The following CCNJL variants were observed in gnomAD, a reference collection of about 807,000 sequenced individuals.
CCNJL encodes the protein cyclin J like, also known as cyclin-J-like protein.
In CCNJL, 33 loss-of-function variants were observed where a neutral mutation model predicts 33.4. The observed-to-expected ratio is 0.99, with a 90% CI of 0.75 to 1.32. The LOEUF (loss-of-function observed/expected upper bound fraction) is 1.32, where lower values mean the gene tolerates loss of function less well. Among genes scored for constraint, CCNJL ranks in the 40% most tolerant of loss-of-function variants. The probability of loss-of-function intolerance (pLI) is 0.00; values close to 1 mark genes in which losing one functional copy is unlikely to be tolerated. For synonymous variants in CCNJL, 227 were observed against 220.9 expected (o/e 1.03, Z -0.24); for missense variants, 512 against 499.7 (o/e 1.02, Z -0.23).
At chr5:160,302,230 A>T (rs998110980) in intron 2 of CCNJL, among the ~76,000 whole-genome samples, 2 of 151,944 alleles carry the variant, frequency 1.3e-5, no homozygotes, top group Non-Finnish European at 2.9e-5. Flanking sequence ...TCCATAAAAC[A>T]TTATGCATTG....
At chr5:160,264,376 C>A (rs1761484438) in intron 3 of CCNJL, among the ~76,000 whole-genome samples, 1 of 152,074 alleles carries the variant, frequency 6.6e-6, no homozygotes, top group Admixed American at 6.6e-5. Context: ...CTCCTTTCTG[C>A]ATGTGGCTGG....
At position 160,253,459 on chromosome 5, in the gene CCNJL, G is replaced by C. The variant is rs781619971; in HGVS notation, c.1083C>G (p.Pro361=). ...LSMHMAIAAE[P]RHCLATTYGS... ...CATAGGTGGTGGCGAGGCAGTGCCT[G>C]GGCTCAGCTGCAATGGCCATATGCA... Residue 361 remains proline, a synonymous_variant, in exon 6 of 6, where the codon CCC becomes CCG. Coordinates refer to ENST00000257536, the MANE Select transcript of CCNJL (RefSeq NM_001308173.3). The C allele has an allele frequency of 1.9e-6, 3 of 1,613,506 alleles. No homozygotes were observed. Among genetic ancestry groups the C allele is most frequent in the Non-Finnish European group, 2.5e-6 (3 of 1,179,684 alleles).
At chr5:160,305,747 C>G (rs116828043) in intron 2 of CCNJL, among the ~76,000 whole-genome samples, 1 of 152,170 alleles carries the variant, frequency 6.6e-6, no homozygotes, top group Non-Finnish European at 1.5e-5. Flanking sequence ...TTCCTGTGAG[C>G]CTTGCAGTTT....
chr5:160,268,264 TAAGGCAGTGC>T (rs1761689665), intron 3 of CCNJL, among the ~76,000 whole-genome samples: 1 of 152,214 alleles, frequency 6.6e-6, no homozygotes, highest in Non-Finnish European at 1.5e-5. Flanking sequence ...TTTTACTGTG[TAAGGCAGTGC>T]AGCGGGCAGT....
chr5:160,331,383 C>T (rs1763606248), intron 1 of CCNJL, among the ~76,000 whole-genome samples: 1 of 151,976 alleles, frequency 6.6e-6, no homozygotes, highest in African/African-American at 2.4e-5. Flanking sequence ...ACCACCACGC[C>T]CGGCTAATTT....
chr5:160,269,601 G>A (rs1761750231), intron 3 of CCNJL: 1 of 402,126 alleles, frequency 2.5e-6, no homozygotes, highest in African/African-American at 2.1e-5. Flanking sequence ...CCGCCCTTGT[G>A]GTTCAGAGGG....
Position 160,326,075 on chromosome 5 carries a change from G to A in CCNJL, n.207-10570C>T, listed in dbSNP as rs77259140. Among the ~76,000 whole-genome samples the A allele has an allele frequency of 2.9e-4, 44 of 152,252 alleles. No homozygotes were observed. The East Asian group carries it at 8.5e-3, about 29-fold the overall frequency. The stretch of plus-strand genomic sequence containing the variant: ...CAGGACCTCTTCCTACTCCATATCA[G>A]ACCTGGCCAGTTGCAAGTATTTATC... On this transcript the variant is annotated intron_variant and non_coding_transcript_variant, in intron 1 of 7. Transcript: ENST00000377503.
chr5:160,280,903 C>G (rs775032139), intron 2 of CCNJL, 165 bp from the exon 3 acceptor site: 1 of 701,802 alleles, frequency 1.4e-6, no homozygotes, highest in African/African-American at 1.7e-5. Context: ...CCTGGGCTAT[C>G]TCCCATCTGC....
rs553475933 is a variant in CCNJL at position 160,253,172 on chromosome 5, C to G, written c.*206G>C. On this transcript the variant is annotated 3_prime_UTR_variant, in exon 6 of 6. Coordinates refer to ENST00000257536, the MANE Select transcript of CCNJL (RefSeq NM_001308173.3). ...TTGTACCCTAGCCACACGTGGCAGA[C>G]GTTTCTCAGAGGAATGCTCTCGGGT... The G allele has an allele frequency of 2.1e-6, 1 of 477,642 alleles. No individual in the cohort carries two copies. The highest frequency in any genetic ancestry group is 3.9e-5 in the Admixed American group (1 of 25,610). The allele number at this position is 477,642 out of a possible 1,614,324, so 29.6% of individuals were successfully genotyped here.
rs565168793 is a variant in CCNJL at position 160,303,733 on chromosome 5, T to A, written c.66+8125A>T. Among the ~76,000 whole-genome samples, 301 of 151,482 alleles carry A rather than the reference T, an allele frequency of 2.0e-3. 3 individuals carry two copies. The highest frequency in any genetic ancestry group is 6.9e-3 in the African/African-American group (283 of 41,246). ...GTGTGTGTGTGTGTGTGTGTCTGTG[T>A]GTGTGTGTGTGTAATAACTCAAAAA... On this transcript the variant is annotated intron_variant, in intron 2 of 5. Transcript: ENST00000257536.
In CCNJL at chr5:160,258,628, T is replaced by C. The variant is rs147984274; in HGVS notation, c.583+841A>G. ...TCTGTGGATGCAGCTGTTACGAAGA[T>C]GGTTAAACCTGAAACAATCTTAAGA... On this transcript the variant is annotated intron_variant, in intron 4 of 5. Transcript: ENST00000257536. 19 of 1,072,392 alleles carry C rather than the reference T, an allele frequency of 1.8e-5. No individual in the cohort carries two copies. In the African/African-American group the frequency reaches 2.3e-4, roughly 13 times the overall value. 66.4% of individuals were successfully genotyped at this position (1,072,392 alleles called of 1,614,324 possible). A position where few individuals can be genotyped will look rare whatever the true frequency, so the allele number is the denominator to read the frequency against.
chr5:160,301,862 T>C (rs1171542966), intron 2 of CCNJL, among the ~76,000 whole-genome samples: 1 of 151,830 alleles, frequency 6.6e-6, no homozygotes, highest in East Asian at 1.9e-4. Flanking sequence ...CCCGAGTAGC[T>C]GGGATTACAG....
intron 3 of CCNJL, among the ~76,000 whole-genome samples, chr5:160,268,117 T>C (rs1761683550): frequency 6.6e-6 from 1 of 152,220 alleles, no homozygotes; most frequent in Non-Finnish European, 1.5e-5. Context: ...AGGTGCTTCC[T>C]ACTCTTGGCA....
At chr5:160,281,182 G>A (rs1423974649) in intron 2 of CCNJL, among the ~76,000 whole-genome samples, 3 of 152,116 alleles carry the variant, frequency 2.0e-5, no homozygotes, top group East Asian at 1.9e-4. Context: ...CTCGAGAGCT[G>A]AGAACTAAAT....
intron 2 of CCNJL, among the ~76,000 whole-genome samples, chr5:160,291,403 A>G (rs544182030): frequency 3.3e-5 from 5 of 152,280 alleles, no homozygotes; most frequent in African/African-American, 7.2e-5. Context: ...AAGGAAGCCT[A>G]TATTAGCCCA....
chr5:160,322,793 C>T (rs1763487671), intron 1 of CCNJL, among the ~76,000 whole-genome samples: 1 of 151,326 alleles, frequency 6.6e-6, no homozygotes, highest in Non-Finnish European at 1.5e-5. Flanking sequence ...CCTGTAGTCC[C>T]AGCTACTTGG....
At chr5:160,262,630 G>A (rs993567399) in intron 3 of CCNJL, among the ~76,000 whole-genome samples, 6 of 152,210 alleles carry the variant, frequency 3.9e-5, no homozygotes, top group African/African-American at 7.2e-5. Context: ...GCACTTGCTC[G>A]TGGCAGGAAC....
chr5:160,327,198 TGA>T (rs772843203), intron 1 of CCNJL, among the ~76,000 whole-genome samples: 3 of 151,846 alleles, frequency 2.0e-5, no homozygotes, highest in Non-Finnish European at 1.5e-5. Context: ...GTGAGCTGGG[TGA>T]GTCTTTGTTT....
At chr5:160,336,983 T>G in intron 1 of CCNJL, among the ~76,000 whole-genome samples, 2 of 148,914 alleles carry the variant, frequency 1.3e-5, no homozygotes, top group African/African-American at 4.9e-5. Flanking sequence ...CCTCCCTTCC[T>G]TCCTTCTTTC....
Sources: gnomAD v4.1 joint callset for allele counts (sites outside exome capture counted in the v4.1 genomes callset) on GRCh38, gnomAD v4.1.1 for gene constraint, MANE v1.5 for transcripts, NCBI Gene and HGNC (gene_info 2026-07-23, HGNC 2026-07-21) for gene names.